PDGFC: variants seen among roughly 807,000 people sequenced by gnomAD.
The protein encoded by PDGFC is platelet derived growth factor C.
In PDGFC, 12 loss-of-function variants were observed where a neutral mutation model predicts 35.5. The ratio of observed to expected loss-of-function variants is 0.34; its 90% CI spans 0.22 to 0.55. PDGFC has a LOEUF of 0.55. Ranked by LOEUF, PDGFC falls within the 20% of genes least tolerant of loss-of-function variation. The pLI, the probability that PDGFC is intolerant of heterozygous loss-of-function variation, is 0.91. For synonymous variants in PDGFC, 159 were observed against 148.8 expected (o/e 1.07, Z -0.50); for missense variants, 322 against 412.4 (o/e 0.78, Z 1.90).
intron 2 of PDGFC, among the ~76,000 whole-genome samples, chr4:156,829,718 T>C (rs945504588): frequency 7.9e-5 from 12 of 152,126 alleles, no homozygotes; most frequent in Non-Finnish European, 2.9e-5. Context: ...ATTTCTTAGA[T>C]TTTTCTCTCC....
chr4:156,818,156 G>C (rs1279480443), intron 2 of PDGFC, among the ~76,000 whole-genome samples: 9 of 146,694 alleles, frequency 6.1e-5, no homozygotes, highest in Non-Finnish European at 9.0e-5. Flanking sequence ...CTCTTAAATA[G>C]AATAAAATGC....
intron 1 of PDGFC, among the ~76,000 whole-genome samples, chr4:156,908,509 A>G (rs950809919): frequency 6.6e-6 from 1 of 152,144 alleles, no homozygotes; most frequent in Non-Finnish European, 1.5e-5. Flanking sequence ...TTCTTATTCT[A>G]AGTAATACAA....
At chr4:156,862,239 T>C (rs769430850) in intron 1 of PDGFC, among the ~76,000 whole-genome samples, 17 of 152,164 alleles carry the variant, frequency 1.1e-4, no homozygotes, top group Admixed American at 1.3e-4. Flanking sequence ...TGAATAGAGC[T>C]GCACAGAAGT....
chr4:156,790,066 C>A (rs560982762), intron 3 of PDGFC, among the ~76,000 whole-genome samples: 1 of 151,152 alleles, frequency 6.6e-6, no homozygotes, highest in South Asian at 2.1e-4. Flanking sequence ...AAGACCTGGG[C>A]ACAGGCCCTG....
At chr4:156,809,528 T>C (rs1731871960) in intron 3 of PDGFC, among the ~76,000 whole-genome samples, 1 of 152,036 alleles carries the variant, frequency 6.6e-6, no homozygotes, top group Non-Finnish European at 1.5e-5. Flanking sequence ...CATTCAAGTA[T>C]TTATTGAGAG....
chr4:156,959,000 T>C (rs186062331), intron 1 of PDGFC, among the ~76,000 whole-genome samples: 1 of 152,060 alleles, frequency 6.6e-6, no homozygotes, highest in African/African-American at 2.4e-5. Context: ...AGTCTACTCT[T>C]GTAAGCCAGA....
chr4:156,797,900 C>T lies in PDGFC; in HGVS notation c.495+12937G>A, dbSNP rs979563918. Among the ~76,000 whole-genome samples, 7 of 152,082 alleles carry T rather than the reference C, an allele frequency of 4.6e-5. 1 individual carries two copies. Among genetic ancestry groups the T allele is most frequent in the Admixed American group, 4.6e-4 (7 of 15,266 alleles). On this transcript the variant is annotated intron_variant, in intron 3 of 5. Coordinates refer to ENST00000502773, the MANE Select transcript of PDGFC (RefSeq NM_016205.3). Reference sequence around the variant, plus strand: ...AAACCTTTAGACCGACATTAAAATACTTGAGGAGACCAGGCGCGGTGCCTC... The same window carrying T: ...AAACCTTTAGACCGACATTAAAATATTTGAGGAGACCAGGCGCGGTGCCTC...
intron 3 of PDGFC, among the ~76,000 whole-genome samples, chr4:156,786,123 T>C (rs1261479288): frequency 6.6e-6 from 1 of 152,154 alleles, no homozygotes; most frequent in Non-Finnish European, 1.5e-5. Context: ...CTTGTCACCA[T>C]TTATGTAATA....
chr4:156,854,162 C>T (rs1427344710), intron 1 of PDGFC, among the ~76,000 whole-genome samples: 1 of 152,028 alleles, frequency 6.6e-6, no homozygotes, highest in Non-Finnish European at 1.5e-5. Context: ...AACTAGTATT[C>T]TCAATGAATT....
intron 1 of PDGFC, among the ~76,000 whole-genome samples, chr4:156,908,927 T>C (rs1402218750): frequency 2.0e-5 from 3 of 152,102 alleles, no homozygotes; most frequent in Non-Finnish European, 4.4e-5. Context: ...CACAGACATA[T>C]GCCACAAATG....
At chr4:156,957,917 C>T (rs902493104) in intron 1 of PDGFC, among the ~76,000 whole-genome samples, 2 of 151,930 alleles carry the variant, frequency 1.3e-5, no homozygotes, top group Non-Finnish European at 2.9e-5. Flanking sequence ...ACCAGGTTTC[C>T]AGCTGCCAAA....
At chr4:156,777,334 T>TTAGA (rs1456298845) in intron 3 of PDGFC, among the ~76,000 whole-genome samples, 2 of 152,188 alleles carry the variant, frequency 1.3e-5, no homozygotes, top group Non-Finnish European at 2.9e-5. Context: ...ATGGGCTGAA[T>TTAGA]TAGAGTTCAC....
intron 2 of PDGFC, among the ~76,000 whole-genome samples, chr4:156,849,393 G>T (rs1286697651): frequency 6.6e-6 from 1 of 152,060 alleles, no homozygotes; most frequent in East Asian, 1.9e-4. Flanking sequence ...ATATTTATCT[G>T]TAATATACCA....
At chr4:156,945,373 ATATATATATATATATAT>A (rs1731920485) in intron 1 of PDGFC, among the ~76,000 whole-genome samples, 1 of 121,042 alleles carries the variant, frequency 8.3e-6, no homozygotes, top group African/African-American at 3.3e-5. Context: ...ATATATATAT[ATATATATATATATATAT>A]AATCAGTAGG....
At chr4:156,828,804 A>G (rs1203084992) in intron 2 of PDGFC, among the ~76,000 whole-genome samples, 1 of 152,188 alleles carries the variant, frequency 6.6e-6, no homozygotes, top group African/African-American at 2.4e-5. Flanking sequence ...TTCATGACCA[A>G]TCAATAAAAT....
At chr4:156,914,641 G>A (rs1731116055) in intron 1 of PDGFC, among the ~76,000 whole-genome samples, 1 of 152,102 alleles carries the variant, frequency 6.6e-6, no homozygotes, top group African/African-American at 2.4e-5. Context: ...CCATGTGTTG[G>A]TAGCCGAAAG....
At chr4:156,917,727 A>C (rs1731184863) in intron 1 of PDGFC, among the ~76,000 whole-genome samples, 1 of 152,186 alleles carries the variant, frequency 6.6e-6, no homozygotes, top group African/African-American at 2.4e-5. Flanking sequence ...ATTTTAACCT[A>C]CCTAATGTAC....
chr4:156,956,567 G>A (rs1191721527), intron 1 of PDGFC, among the ~76,000 whole-genome samples: 1 of 151,992 alleles, frequency 6.6e-6, no homozygotes, highest in Non-Finnish European at 1.5e-5. Flanking sequence ...CATTGGAAAA[G>A]CCTGAGTCAT....
chr4:156,869,037 T>C (rs768557631), intron 1 of PDGFC, among the ~76,000 whole-genome samples: 7 of 152,230 alleles, frequency 4.6e-5, no homozygotes, highest in East Asian at 1.9e-4. Context: ...TTTCAATTAA[T>C]GGAATCACTA....
Sources: allele counts gnomAD v4.1 joint callset (sites outside exome capture counted in the v4.1 genomes callset), GRCh38; gene constraint gnomAD v4.1.1; transcripts MANE v1.5; gene names NCBI Gene and HGNC (gene_info 2026-07-23, HGNC 2026-07-21).